OXR1: variants seen among roughly 807,000 people sequenced by gnomAD.
The protein encoded by OXR1 is oxidation resistance 1, also known as oxidation resistance protein 1.
OXR1 carries 41 observed loss-of-function variants against 104.6 expected under a neutral mutation model. The ratio of observed to expected loss-of-function variants is 0.39; its 90% CI spans 0.31 to 0.51. OXR1 has a LOEUF of 0.51. OXR1 is among the 20% of genes least tolerant of loss of function. The pLI is 0.77. For missense variants in OXR1, 955 were observed against 1,031.9 expected, an observed-to-expected ratio of 0.93 and a Z score of 1.02; for synonymous variants, 348 against 348.4, an observed-to-expected ratio of 1.00 and a Z score of 0.01.
chr8:106,417,872 C>T (rs1259979692), intron 2 of OXR1, among the ~76,000 whole-genome samples: 1 of 152,136 alleles, frequency 6.6e-6, no homozygotes, highest in Non-Finnish European at 1.5e-5. Flanking sequence ...TGGGTGACTG[C>T]AAGGAAAGTG....
rs1390315436 is a variant in OXR1, at chr8:106,546,282, C to T, written c.220+27143C>T. Reference sequence around the variant, plus strand: ...TATGCTTAGCTTTCATCGTGAATGTCCCTTAGCTGTTGTCCCTGCTAAACT... The same window carrying T: ...TATGCTTAGCTTTCATCGTGAATGTTCCTTAGCTGTTGTCCCTGCTAAACT... On this transcript the variant is annotated intron_variant, in intron 3 of 16. Transcript: ENST00000517566. Among the ~76,000 whole-genome samples the T allele has an allele frequency of 2.0e-5, 3 of 152,144 alleles. No individual in the cohort carries two copies. The East Asian group carries it at 5.8e-4, about 29-fold the overall frequency.
At chr8:106,319,660 G>A (rs1323635461) in intron 1 of OXR1, among the ~76,000 whole-genome samples, 1 of 152,174 alleles carries the variant, frequency 6.6e-6, no homozygotes, top group South Asian at 2.1e-4. Context: ...GCATTAAGAA[G>A]CAGCTGCAGC....
intron 2 of OXR1, among the ~76,000 whole-genome samples, chr8:106,516,263 A>G (rs1397281572): frequency 1.3e-5 from 2 of 152,160 alleles, no homozygotes; most frequent in African/African-American, 4.8e-5. Flanking sequence ...CATATATAGC[A>G]GTACAAATGC....
intron 3 of OXR1, among the ~76,000 whole-genome samples, chr8:106,544,302 C>T (rs1049570123): frequency 3.3e-5 from 5 of 151,590 alleles, no homozygotes; most frequent in Non-Finnish European, 7.4e-5. Context: ...AAGGGAGTTC[C>T]TTAGCAATCA....
intron 3 of OXR1, among the ~76,000 whole-genome samples, chr8:106,526,606 A>C (rs936059454): frequency 6.6e-6 from 1 of 152,192 alleles, no homozygotes; most frequent in Non-Finnish European, 1.5e-5. Context: ...GCAGTGGCGC[A>C]ATCTCGGCTC....
chr8:106,358,083 T>G (rs1359542914), intron 1 of OXR1, among the ~76,000 whole-genome samples: 3 of 152,184 alleles, frequency 2.0e-5, no homozygotes, highest in African/African-American at 7.2e-5. Context: ...TGTGTAAATG[T>G]TAGGAAGCAT....
intron 1 of OXR1, among the ~76,000 whole-genome samples, 156 bp from the exon 2 acceptor site, chr8:106,359,320 C>T (rs556722264): frequency 1.6e-4 from 24 of 152,098 alleles, no homozygotes; most frequent in African/African-American, 5.3e-4. Flanking sequence ...TTAATTTTAT[C>T]TTTGGTTTAT....
intron 1 of OXR1, among the ~76,000 whole-genome samples, chr8:106,290,742 A>C (rs1812712256): frequency 6.6e-6 from 1 of 152,142 alleles, no homozygotes; most frequent in Non-Finnish European, 1.5e-5. Context: ...AAACCACAAT[A>C]AGATACCACC....
rs1248073403 is a variant in OXR1, at chr8:106,702,951, T to C, written c.721T>C (p.Phe241Leu). 1.2e-6 allele frequency: 2 copies of C among 1,613,870 alleles called. No homozygotes were observed. The highest frequency in any genetic ancestry group is 1.1e-5 in the South Asian group (1 of 91,076). ...VLLVTPNNIM[F>L]DPHKNDPLVQ... Reference sequence around the variant, plus strand: ...GCTAGTTACACCAAATAATATAATGTTTGATCCACATAAAAATGACCCTTT... The same window carrying C: ...GCTAGTTACACCAAATAATATAATGCTTGATCCACATAAAAATGACCCTTT... The change falls in exon 8 of 17, where the codon TTT becomes CTT. Residue 241 changes from phenylalanine to leucine, a missense_variant. Phe to Leu is a conservative substitution (Grantham distance 22). This residue lies in a region of OXR1 where 849 missense variants were observed against 852.9 expected (regional missense o/e 1.00). Coordinates refer to ENST00000517566, the MANE Select transcript of OXR1 (RefSeq NM_001198533.2).
At position 106,303,948 on chromosome 8, in the gene OXR1, T is replaced by C. The variant is rs550501813; in HGVS notation, c.-139+33581T>C. 1.2e-4 allele frequency among the ~76,000 whole-genome samples: 19 copies of C among 152,336 alleles called. No homozygotes were observed. In the South Asian group the frequency reaches 3.9e-3, roughly 32 times the overall value. ...AATTATTAACAAATTAATCTGTAAA[T>C]AGTAAAAAACACTAAAATGCCTTAT... On this transcript the variant is annotated intron_variant, in intron 1 of 16. Transcript: ENST00000517566.
chr8:106,585,621 A>G (rs914624160), intron 3 of OXR1, among the ~76,000 whole-genome samples: 9 of 152,192 alleles, frequency 5.9e-5, no homozygotes, highest in African/African-American at 9.7e-5. Context: ...AGTAAATTGT[A>G]GAGTAAGTTA....
At chr8:106,443,883 A>G (rs1819897421) in intron 2 of OXR1, among the ~76,000 whole-genome samples, 2 of 152,220 alleles carry the variant, frequency 1.3e-5, no homozygotes, top group Non-Finnish European at 2.9e-5. Context: ...CAGCAAAAGA[A>G]ACTATCATCA....
intron 2 of OXR1, among the ~76,000 whole-genome samples, chr8:106,386,201 C>G (rs571945914): frequency 6.6e-5 from 10 of 152,182 alleles, no homozygotes; most frequent in Non-Finnish European, 1.3e-4. Flanking sequence ...TCTCTGCAAA[C>G]AAGATCCCTA....
At chr8:106,617,588 G>A (rs1007053418) in intron 3 of OXR1, among the ~76,000 whole-genome samples, 1 of 152,182 alleles carries the variant, frequency 6.6e-6, no homozygotes. Context: ...AAAGCAGTGT[G>A]AACTATATCC....
At chr8:106,626,599 T>C (rs1353782903) in intron 3 of OXR1, among the ~76,000 whole-genome samples, 1 of 145,030 alleles carries the variant, frequency 6.9e-6, no homozygotes, top group Non-Finnish European at 1.5e-5. Flanking sequence ...TTAGGTTTTT[T>C]TTTTTTTTAA....
chr8:106,739,736 G>C (rs536581658), intron 13 of OXR1, among the ~76,000 whole-genome samples, 153 bp downstream of exon 13: 245 of 148,826 alleles, frequency 1.6e-3, no homozygotes, highest in Admixed American at 3.7e-3. Flanking sequence ...ATAGCAACTA[G>C]TGTTAATTAA....
chr8:106,377,838 A>C (rs75827965), intron 2 of OXR1, among the ~76,000 whole-genome samples: 13,728 of 152,104 alleles, frequency 0.09, 953 homozygotes, highest in African/African-American at 0.19. Flanking sequence ...ATACCCTTTA[A>C]CTTTACTCTA....
At chr8:106,301,957 AC>A (rs1813251825) in intron 1 of OXR1, among the ~76,000 whole-genome samples, 1 of 152,222 alleles carries the variant, frequency 6.6e-6, no homozygotes. Flanking sequence ...TAAAAGTATC[AC>A]GAGTGAGAAT....
chr8:106,516,057 T>C (rs778240162), intron 2 of OXR1, among the ~76,000 whole-genome samples: 1 of 152,058 alleles, frequency 6.6e-6, no homozygotes, highest in Non-Finnish European at 1.5e-5. Flanking sequence ...CCATCTTGTT[T>C]AACTTCATCT....
Sources: allele counts gnomAD v4.1 joint callset (sites outside exome capture counted in the v4.1 genomes callset), GRCh38; gene constraint gnomAD v4.1.1; regional missense constraint gnomAD v4.1.1; transcripts MANE v1.5; gene names NCBI Gene and HGNC (gene_info 2026-07-23, HGNC 2026-07-21).